OSBPL3: variants seen among roughly 807,000 people sequenced by gnomAD.
OSBPL3 encodes the protein oxysterol-binding protein-related protein 3.
OSBPL3 carries 65 observed loss-of-function variants against 120.1 expected under a neutral mutation model. That is an observed-to-expected ratio of 0.54 (90% CI 0.44 to 0.67). The LOEUF (loss-of-function observed/expected upper bound fraction) is 0.67. Ranked by LOEUF, OSBPL3 falls within the 30% of genes least tolerant of loss-of-function variation. The probability of loss-of-function intolerance (pLI) is 0.00; values close to 1 mark genes in which losing one functional copy is unlikely to be tolerated. For synonymous variants in OSBPL3, 416 were observed against 402.6 expected, an observed-to-expected ratio of 1.03 and a Z score of -0.40; for missense variants, 1,004 against 1,082.1, an observed-to-expected ratio of 0.93 and a Z score of 1.01.
At chr7:24,870,663 C>T in intron 5 of OSBPL3, 69 bp downstream of exon 5, 1 of 963,504 alleles carries the variant, frequency 1.0e-6, no homozygotes, top group Non-Finnish European at 1.7e-6. Context: ...AAAGGCATTA[C>T]CAATAGTATA....
rs78761529 is a variant in OSBPL3, at chr7:24,877,194, T to A, written c.97-5125A>T. On this transcript the variant is annotated intron_variant, in intron 2 of 22. Transcript: ENST00000313367. This position sits in a 1 kb window ranked among gnomAD's most constrained non-coding sequence, Gnocchi z 4.8. ...GTAAATTCTGATGAAGAAAAAGGAG[T>A]AAATCCCATTGGGTAGAGGAATAGT... Among the ~76,000 whole-genome samples, 1 of 152,090 alleles carries A rather than the reference T, an allele frequency of 6.6e-6. No individual in the cohort carries two copies. Among genetic ancestry groups the A allele is most frequent in the African/African-American group, 2.4e-5 (1 of 41,416 alleles).
chr7:24,813,155 A>G lies in OSBPL3; in HGVS notation c.2172+1904T>C, dbSNP rs1051917039. On this transcript the variant is annotated intron_variant, in intron 19 of 22. Transcript: ENST00000313367. This position sits in a 1 kb window ranked among gnomAD's most constrained non-coding sequence, Gnocchi z 4.5. The stretch of plus-strand genomic sequence containing the variant: ...CAGCCTCCCAAAGTGCTGGGATTAC[A>G]GGTGTGAGCCATGGCACCCGGGCTC... 2.0e-5 allele frequency among the ~76,000 whole-genome samples: 3 copies of G among 152,212 alleles called. No individual in the cohort carries two copies. Among genetic ancestry groups the G allele is most frequent in the Non-Finnish European group, 4.4e-5 (3 of 68,034 alleles).
chr7:24,866,263 G>A (rs762699268), intron 5 of OSBPL3, 26 bp from the exon 6 acceptor site: 39 of 1,514,376 alleles, frequency 2.6e-5, no homozygotes, highest in Non-Finnish European at 3.1e-5. Flanking sequence ...TTGAAAAAAG[G>A]AAACAAGAGA....
intron 1 of OSBPL3, among the ~76,000 whole-genome samples, chr7:24,925,396 G>T (rs1810927194): frequency 6.6e-6 from 1 of 152,158 alleles, no homozygotes; most frequent in African/African-American, 2.4e-5. Context: ...AAGAAAAGAA[G>T]AAATATCCCA....
intron 14 of OSBPL3, among the ~76,000 whole-genome samples, 185 bp downstream of exon 14, chr7:24,840,505 A>G (rs1797611712): frequency 6.6e-6 from 1 of 152,198 alleles, no homozygotes; most frequent in Admixed American, 6.5e-5. Flanking sequence ...CACATAACAC[A>G]CAAAATATGT....
At position 24,883,410 on chromosome 7, in the gene OSBPL3, T is replaced by A. The variant is rs10242160; in HGVS notation, c.96+8967A>T. ...CTTTCCCCTCCCCAGGAAAGAGCTATTGAATCGGTCAGCTCAGTTCACATT... is the reference window on the plus strand; with the variant it reads ...CTTTCCCCTCCCCAGGAAAGAGCTAATGAATCGGTCAGCTCAGTTCACATT... On this transcript the variant is annotated intron_variant, in intron 2 of 22. Transcript: ENST00000313367. This position sits in a 1 kb window ranked among gnomAD's most constrained non-coding sequence, Gnocchi z 5.4. 6.6e-6 allele frequency among the ~76,000 whole-genome samples: 1 copy of A among 151,950 alleles called. No individual in the cohort carries two copies. Among genetic ancestry groups the A allele is most frequent in the South Asian group, 2.1e-4 (1 of 4,824 alleles).
rs566422419 is a variant in OSBPL3 at position 24,890,184 on chromosome 7, A to AATGACTT, written c.96+2186_96+2192dup. ...GATGAAAGAAAGAAAGCAATTTGAA[A>AATGACTT]ATGACTTTAAACTGGTGTTTGAAAT... On this transcript the variant is annotated intron_variant, in intron 2 of 22. Transcript: ENST00000313367. Among the ~76,000 whole-genome samples the AATGACTT allele has an allele frequency of 3.4e-3, 524 of 152,326 alleles. 4 individuals carry two copies. Among genetic ancestry groups the AATGACTT allele is most frequent in the Middle Eastern group, 0.01 (3 of 294 alleles).
At position 24,804,428 on chromosome 7, in the gene OSBPL3, C is replaced by T. The variant is rs2128100098; in HGVS notation, c.2454G>A (p.Glu818=). The change falls in exon 22 of 23, where the codon GAG becomes GAA. Residue 818 remains glutamate, a synonymous_variant. Transcript: ENST00000313367. This position sits in a 1 kb window ranked among gnomAD's most constrained non-coding sequence, Gnocchi z 5.4. ...TTTCAGCTTCTTCTAAGTTCCCTTC[C>T]TCTAGAAACCTGAGGCATCGAGGAA... ...TRFRPDQRFL[E]EGNLEEAEIQ... The T allele has an allele frequency of 6.2e-7, 1 of 1,613,638 alleles. No homozygotes were observed. Among genetic ancestry groups the T allele is most frequent in the Non-Finnish European group, 8.5e-7 (1 of 1,179,820 alleles).
At position 24,938,395 on chromosome 7, in the gene OSBPL3, G is replaced by A. The variant is rs193082331; in HGVS notation, c.-150+41491C>T. 3.7e-3 allele frequency among the ~76,000 whole-genome samples: 561 copies of A among 152,210 alleles called. 2 individuals carry two copies. The highest frequency in any genetic ancestry group is 0.013 in the African/African-American group (525 of 41,536). ...CATTTCTATTGTTTATAAATTACCC[G>A]GTTTATGATATTTGTTATAGCAGCC... On this transcript the variant is annotated intron_variant, in intron 1 of 22. Transcript: ENST00000313367. This position sits in a 1 kb window ranked among gnomAD's most constrained non-coding sequence, Gnocchi z 5.8.
At chr7:24,880,965 C>T (rs546335939) in intron 2 of OSBPL3, among the ~76,000 whole-genome samples, 17 of 152,298 alleles carry the variant, frequency 1.1e-4, no homozygotes, top group African/African-American at 3.6e-4. Context: ...TGTCTGAGCA[C>T]AGAAGAGAAT....
intron 16 of OSBPL3, among the ~76,000 whole-genome samples, chr7:24,828,605 T>TAAAAAAA (rs1795973743): frequency 1.7e-5 from 1 of 59,542 alleles, no homozygotes; most frequent in Non-Finnish European, 3.2e-5. Flanking sequence ...AGACTCTGTC[T>TAAAAAAA]GAAAAAAAAA....
chr7:24,916,738 A>G lies in OSBPL3; in HGVS notation c.-149-24117T>C, dbSNP rs1252068806. ...ACCATCATCTAGTAGGGAAGTGTAG[A>G]AACCTCCCGATAATGTAGATAAGAA... On this transcript the variant is annotated intron_variant, in intron 1 of 22. Transcript: ENST00000313367. The surrounding 1 kb of genome is among the most constrained non-coding windows in gnomAD (Gnocchi z 4.9). Among the ~76,000 whole-genome samples, 2 of 152,166 alleles carry G rather than the reference A, an allele frequency of 1.3e-5. No individual in the cohort carries two copies. The highest frequency in any genetic ancestry group is 2.9e-5 in the Non-Finnish European group (2 of 68,042).
rs988110841 is a variant in OSBPL3, at chr7:24,835,818, A to G, written c.1496-1082T>C. On this transcript the variant is annotated intron_variant, in intron 14 of 22. Transcript: ENST00000313367. The surrounding 1 kb of genome is among the most constrained non-coding windows in gnomAD (Gnocchi z 4.8). Reference sequence around the variant, plus strand: ...TAAGCAAACTAACACAGGAAGAGAAAACCAAATGCATGTTCTCACTTGTAA... The same window carrying G: ...TAAGCAAACTAACACAGGAAGAGAAGACCAAATGCATGTTCTCACTTGTAA... 6.6e-6 allele frequency among the ~76,000 whole-genome samples: 1 copy of G among 152,190 alleles called. No homozygotes were observed. Among genetic ancestry groups the G allele is most frequent in the African/African-American group, 2.4e-5 (1 of 41,432 alleles).
intron 12 of OSBPL3, among the ~76,000 whole-genome samples, chr7:24,844,210 C>T (rs1051234500): frequency 6.6e-6 from 1 of 152,242 alleles, no homozygotes; most frequent in Non-Finnish European, 1.5e-5. Context: ...TTTCCTTTCA[C>T]ATATGTAATG....
chr7:24,897,041 C>T (rs1013872540), intron 1 of OSBPL3, among the ~76,000 whole-genome samples: 6 of 147,238 alleles, frequency 4.1e-5, no homozygotes, highest in South Asian at 2.2e-4. Context: ...CACTGCACTC[C>T]AGCATGAGAG....
rs1792007677 is a variant in OSBPL3 at position 24,799,044 on chromosome 7, A to AG, written c.*1138dup. Reference sequence around the variant, plus strand: ...AATGATATGGATAACAAGAAAGTATAGGAAAGGGGTAAGACACTCACTTAA... The same window carrying AG: ...AATGATATGGATAACAAGAAAGTATAGGGAAAGGGGTAAGACACTCACTTAA... On this transcript the variant is annotated 3_prime_UTR_variant, in exon 23 of 23. Transcript: ENST00000313367. The surrounding 1 kb of genome is among the most constrained non-coding windows in gnomAD (Gnocchi z 5.3). 1 of 152,682 alleles carries AG rather than the reference A, an allele frequency of 6.5e-6. No individual in the cohort carries two copies. The highest frequency in any genetic ancestry group is 6.5e-5 in the Admixed American group (1 of 15,290). 9.5% of individuals were successfully genotyped at this position (152,682 alleles called of 1,614,324 possible).
Position 24,803,928 on chromosome 7 carries a change from T to A in OSBPL3, c.2567+387A>T, listed in dbSNP as rs1584166646. On this transcript the variant is annotated intron_variant, in intron 22 of 22. Coordinates refer to ENST00000313367, the MANE Select transcript of OSBPL3 (RefSeq NM_015550.4). The surrounding 1 kb of genome is among the most constrained non-coding windows in gnomAD (Gnocchi z 4.2). ...TGCTTAACTGTGGAGTGATCGTGAA[T>A]GATCTCTGTCATGGTGTAAAACATG... is the stretch of plus-strand genomic sequence containing the variant. Among the ~76,000 whole-genome samples the A allele has an allele frequency of 1.3e-5, 2 of 152,210 alleles. No homozygotes were observed. The highest frequency in any genetic ancestry group is 4.8e-5 in the African/African-American group (2 of 41,454).
rs147242532 is a variant in OSBPL3 at position 24,940,633 on chromosome 7, G to A, written c.-150+39253C>T. ...TTGGCCACTGGAGCGGGCGGCTGAG[G>A]TGGTATGGGAGGTACCTAAAACCAA... is the stretch of plus-strand genomic sequence containing the variant. On this transcript the variant is annotated intron_variant, in intron 1 of 22. Transcript: ENST00000313367. The surrounding 1 kb of genome is among the most constrained non-coding windows in gnomAD (Gnocchi z 4.4). Among the ~76,000 whole-genome samples, 35 of 152,186 alleles carry A rather than the reference G, an allele frequency of 2.3e-4. No homozygotes were observed. Among genetic ancestry groups the A allele is most frequent in the African/African-American group, 6.0e-4 (25 of 41,506 alleles).
In OSBPL3 at chr7:24,955,934, A is replaced by G. The variant is rs919151685; in HGVS notation, c.-150+23952T>C. On this transcript the variant is annotated intron_variant, in intron 1 of 22. Transcript: ENST00000313367. The surrounding 1 kb of genome is among the most constrained non-coding windows in gnomAD (Gnocchi z 4.3). ...CTTTCAGATCTTTTTCACTCAAACTAGTTCTTGGTCCTGCTGAGGAAACCC... is the reference window on the plus strand; with the variant it reads ...CTTTCAGATCTTTTTCACTCAAACTGGTTCTTGGTCCTGCTGAGGAAACCC... Among the ~76,000 whole-genome samples, 3 of 152,236 alleles carry G rather than the reference A, an allele frequency of 2.0e-5. No homozygotes were observed. The highest frequency in any genetic ancestry group is 7.2e-5 in the African/African-American group (3 of 41,454).
Sources: gnomAD v4.1 joint callset for allele counts (sites outside exome capture counted in the v4.1 genomes callset) on GRCh38, gnomAD v4.1.1 for gene constraint, Gnocchi (gnomAD v3.1) non-coding constraint, MANE v1.5 for transcripts, NCBI Gene and HGNC (gene_info 2026-07-23, HGNC 2026-07-21) for gene names.